LIMCH1: variants seen among roughly 807,000 people sequenced by gnomAD.
LIMCH1 encodes the protein LIM and calponin homology domains-containing protein 1.
In LIMCH1, 113 loss-of-function variants were observed where a neutral mutation model predicts 176.5. The observed-to-expected ratio is 0.64, with a 90% CI of 0.55 to 0.75. The LOEUF (loss-of-function observed/expected upper bound fraction) is 0.75. Among genes scored for constraint, LIMCH1 ranks in the 30% least tolerant of loss-of-function variants. The pLI, the probability that LIMCH1 is intolerant of heterozygous loss-of-function variation, is 0.00. For synonymous variants in LIMCH1, 619 were observed against 645.9 expected (o/e 0.96, Z 0.63); for missense variants, 1,674 against 1,814.9 (o/e 0.92, Z 1.41).
At chr4:41,432,780 T>C (rs1198655218) in intron 1 of LIMCH1, among the ~76,000 whole-genome samples, 1 of 151,806 alleles carries the variant, frequency 6.6e-6, no homozygotes, top group Non-Finnish European at 1.5e-5. Context: ...TAAAACCTGA[T>C]TGTTAAAATA....
chr4:41,557,157 T>C (rs1045586682), intron 1 of LIMCH1, among the ~76,000 whole-genome samples: 4 of 152,206 alleles, frequency 2.6e-5, no homozygotes, highest in Non-Finnish European at 5.9e-5. Context: ...TTGCAAATTG[T>C]ATCATCCTGT....
chr4:41,493,885 A>G (rs1180534687), intron 1 of LIMCH1, among the ~76,000 whole-genome samples: 2 of 152,180 alleles, frequency 1.3e-5, no homozygotes, highest in African/African-American at 4.8e-5. Context: ...ATGCCATATT[A>G]TTAATGGATA....
At chr4:41,452,318 A>G (rs932285973) in intron 1 of LIMCH1, among the ~76,000 whole-genome samples, 6 of 152,150 alleles carry the variant, frequency 3.9e-5, no homozygotes, top group Admixed American at 3.9e-4. Flanking sequence ...CCTTCATTAT[A>G]GCTGTTTGGT....
At chr4:41,680,914 T>C (rs1309982105) in intron 24 of LIMCH1, 41 bp from the exon 25 acceptor site, 5 of 1,135,418 alleles carry the variant, frequency 4.4e-6, no homozygotes, top group Non-Finnish European at 5.2e-6. Context: ...AATATGATTT[T>C]TATTTTCCCC....
At chr4:41,604,258 G>A in intron 3 of LIMCH1, 1 of 977,648 alleles carries the variant, frequency 1.0e-6, no homozygotes, top group Non-Finnish European at 1.2e-6. Flanking sequence ...TAAGGAGTTT[G>A]GCAAATTGTT....
chr4:41,521,441 A>G (rs2076108529), intron 2 of LIMCH1, among the ~76,000 whole-genome samples: 1 of 152,212 alleles, frequency 6.6e-6, no homozygotes, highest in Admixed American at 6.5e-5. Flanking sequence ...AAAGCATGTC[A>G]TCAATAAGTA....
chr4:41,683,078 A>T (rs1233198695), intron 26 of LIMCH1, among the ~76,000 whole-genome samples: 2 of 152,080 alleles, frequency 1.3e-5, no homozygotes, highest in African/African-American at 4.8e-5. Flanking sequence ...AATATTACTC[A>T]CTTGAAATGA....
chr4:41,412,108 T>A (rs1490223222), intron 1 of LIMCH1, among the ~76,000 whole-genome samples: 5 of 151,896 alleles, frequency 3.3e-5, no homozygotes, highest in African/African-American at 1.2e-4. Flanking sequence ...TTTAAAAAAA[T>A]GTTTTCTTCT....
chr4:41,550,556 A>G (rs1248510682), intron 1 of LIMCH1, among the ~76,000 whole-genome samples: 1 of 152,132 alleles, frequency 6.6e-6, no homozygotes, highest in Non-Finnish European at 1.5e-5. Flanking sequence ...TATTGTTTGT[A>G]TAAATGTTAA....
intron 1 of LIMCH1, among the ~76,000 whole-genome samples, chr4:41,439,726 A>G (rs1054968818): frequency 3.3e-5 from 5 of 152,184 alleles, no homozygotes; most frequent in Non-Finnish European, 7.3e-5. Flanking sequence ...AACATGGTGA[A>G]ACCCAGTCTC....
chr4:41,433,579 C>A (rs1003892524), intron 1 of LIMCH1, among the ~76,000 whole-genome samples: 1 of 152,058 alleles, frequency 6.6e-6, no homozygotes, highest in Non-Finnish European at 1.5e-5. Flanking sequence ...TTCTACCTGG[C>A]AGGTTTGGGC....
At chr4:41,411,236 T>C (rs1442411619) in intron 1 of LIMCH1, among the ~76,000 whole-genome samples, 1 of 152,228 alleles carries the variant, frequency 6.6e-6, no homozygotes, top group Non-Finnish European at 1.5e-5. Context: ...TTTGGGATAA[T>C]AGAGAGATGA....
intron 1 of LIMCH1, among the ~76,000 whole-genome samples, chr4:41,437,888 C>G (rs557029424): frequency 7.9e-5 from 12 of 152,112 alleles, no homozygotes; most frequent in African/African-American, 2.9e-4. Flanking sequence ...GAATTTTTTG[C>G]TTTCACAATG....
intron 28 of LIMCH1, 43 bp from the exon 29 acceptor site, chr4:41,687,797 C>T (rs1560390760): frequency 7.7e-7 from 1 of 1,295,064 alleles, no homozygotes; most frequent in South Asian, 1.3e-5. Flanking sequence ...AGTTTGGCTT[C>T]TCTTTGCTTG....
At chr4:41,501,649 T>C (rs1432689644) in intron 2 of LIMCH1, among the ~76,000 whole-genome samples, 1 of 152,200 alleles carries the variant, frequency 6.6e-6, no homozygotes, top group Admixed American at 6.5e-5. Flanking sequence ...GGCTTCCTTA[T>C]ATTTTGTCTC....
chr4:41,447,195 G>C (rs1039815321), intron 1 of LIMCH1, among the ~76,000 whole-genome samples: 6 of 152,114 alleles, frequency 3.9e-5, no homozygotes, highest in African/African-American at 1.4e-4. Context: ...GCCACTAACT[G>C]TACCACTCCA....
intron 1 of LIMCH1, among the ~76,000 whole-genome samples, chr4:41,364,412 T>G (rs2052651929): frequency 6.6e-6 from 1 of 152,102 alleles, no homozygotes; most frequent in Admixed American, 6.5e-5. Context: ...TAAGGTTGAT[T>G]TTGAAAGAAA....
intron 1 of LIMCH1, among the ~76,000 whole-genome samples, chr4:41,592,260 G>A (rs2087742860): frequency 6.6e-6 from 1 of 152,172 alleles, no homozygotes; most frequent in Admixed American, 6.5e-5. Flanking sequence ...TGTGTACTTT[G>A]GATGAAATAA....
chr4:41,400,938 G>C (rs2058370263), intron 1 of LIMCH1, among the ~76,000 whole-genome samples: 1 of 152,140 alleles, frequency 6.6e-6, no homozygotes, highest in Non-Finnish European at 1.5e-5. Context: ...TTAGCCCTTT[G>C]TCAGATGAGT....
Sources: allele counts gnomAD v4.1 joint callset (sites outside exome capture counted in the v4.1 genomes callset), GRCh38; gene constraint gnomAD v4.1.1; transcripts MANE v1.5; gene names NCBI Gene and HGNC (gene_info 2026-07-23, HGNC 2026-07-21).